Variants in CHD1L observed in about 807,000 individuals in gnomAD.
CHD1L encodes chromodomain helicase DNA binding protein 1 like.
Under a neutral mutation model 115.9 loss-of-function variants are expected in CHD1L, and 118 were observed. The observed-to-expected ratio is 1.02, with a 90% CI of 0.88 to 1.19. The LOEUF is 1.19. Ranked by LOEUF, CHD1L falls within the 50% of genes most tolerant of loss-of-function variation. The pLI is 0.00. For synonymous variants in CHD1L, 411 were observed against 387.1 expected (o/e 1.06, Z -0.72); for missense variants, 1,179 against 1,065.3 (o/e 1.11, Z -1.49).
chr1:147,211,466 T>A, the CHD1L span: 8 of 152,328 alleles, frequency 5.3e-5, no homozygotes, highest in Middle Eastern at 3.4e-3. Context: ...TAGATGAGGA[T>A]AGCAATGAGA....
the CHD1L span, among the ~76,000 whole-genome samples, chr1:147,217,315 A>C: frequency 6.6e-6 from 1 of 152,214 alleles, no homozygotes; most frequent in East Asian, 1.9e-4. Flanking sequence ...GATCACATAA[A>C]GTAATGCAAT....
upstream of CHD1L, chr1:147,242,562 C>T (rs1270092156): frequency 5.7e-6 from 5 of 882,526 alleles, no homozygotes; most frequent in Non-Finnish European, 7.4e-6. Flanking sequence ...CAGCTCCGCT[C>T]CGGATATCTT....
intron 6 of CHD1L, chr1:147,260,184 A>T (rs1671460892): frequency 3.4e-6 from 1 of 291,908 alleles, no homozygotes. Context: ...TCCATAGTTT[A>T]CATTCGGGTT....
At chr1:147,199,803 G>T in the CHD1L span, among the ~76,000 whole-genome samples, 1 of 152,126 alleles carries the variant, frequency 6.6e-6, no homozygotes, top group African/African-American at 2.4e-5. Flanking sequence ...ATTTAGAAAG[G>T]TTGTTGAACT....
At chr1:147,242,370 G>A (rs782656884), upstream of CHD1L, among the ~76,000 whole-genome samples, 2 of 152,190 alleles carry the variant, frequency 1.3e-5, no homozygotes, top group Non-Finnish European at 2.9e-5. Flanking sequence ...CATGATAGTC[G>A]ATGTTGATTA....
At chr1:147,255,644 G>A (rs1669862155) in intron 3 of CHD1L, among the ~76,000 whole-genome samples, 169 bp from the exon 4 acceptor site, 1 of 152,158 alleles carries the variant, frequency 6.6e-6, no homozygotes, top group Non-Finnish European at 1.5e-5. Flanking sequence ...AACTCGCTCT[G>A]AGGTTCAACC....
At chr1:147,253,653 T>A (rs1212204078) in intron 2 of CHD1L, among the ~76,000 whole-genome samples, 2 of 152,178 alleles carry the variant, frequency 1.3e-5, no homozygotes, top group Non-Finnish European at 2.9e-5. Flanking sequence ...CATGCCACCA[T>A]GCACAGCTTA....
the CHD1L span, among the ~76,000 whole-genome samples, chr1:147,173,944 A>G: frequency 1.2e-4 from 18 of 152,224 alleles, no homozygotes; most frequent in African/African-American, 3.4e-4. Context: ...ACTGTAATCC[A>G]TTTCTAACCA....
At chr1:147,295,335 C>G in intron 22 of CHD1L, 96 bp from the exon 23 acceptor site, 2 of 811,468 alleles carry the variant, frequency 2.5e-6, no homozygotes, top group South Asian at 2.9e-5. Flanking sequence ...CATACTACTT[C>G]TAGAACAGTT....
chr1:147,271,714 C>G (rs1408888883), intron 11 of CHD1L, among the ~76,000 whole-genome samples: 2 of 152,184 alleles, frequency 1.3e-5, no homozygotes, highest in Non-Finnish European at 2.9e-5. Flanking sequence ...CTGTAGCTCC[C>G]CTTCCCCACA....
chr1:147,268,843 C>A lies in CHD1L; in HGVS notation c.1050C>A (p.His350Gln), dbSNP rs17356233. The change falls in exon 10 of 23, where the codon CAC becomes CAA. Residue 350 changes from histidine to glutamine, a missense_variant. His to Gln is a conservative substitution (Grantham distance 24, BLOSUM62 0). Transcript: ENST00000369258. ...TGACTGAGGCTAGTGGGAAGCTTCA[C>A]CTGCTGGATAAGCTACTAGCATTCC... ...DHLTEASGKL[H>Q]LLDKLLAFLY... The A allele has an allele frequency of 1.2e-6, 2 of 1,613,386 alleles. No homozygotes were observed. Among genetic ancestry groups the A allele is most frequent in the Non-Finnish European group, 1.7e-6 (2 of 1,179,546 alleles).
At chr1:147,227,980 T>C in the CHD1L span, among the ~76,000 whole-genome samples, 1 of 150,526 alleles carries the variant, frequency 6.6e-6, no homozygotes, top group Admixed American at 6.6e-5. Flanking sequence ...TGGTGCGATC[T>C]TGGCTCACTG....
chr1:147,240,443 C>A (rs968233506), upstream of CHD1L, among the ~76,000 whole-genome samples: 5 of 152,218 alleles, frequency 3.3e-5, no homozygotes, highest in African/African-American at 4.8e-5. Flanking sequence ...CAAGGTTTCT[C>A]CCCATGTGAT....
chr1:147,258,480 TATCTC>T (rs1401301942), intron 5 of CHD1L, among the ~76,000 whole-genome samples: 2 of 152,200 alleles, frequency 1.3e-5, no homozygotes, highest in African/African-American at 2.4e-5. Flanking sequence ...TTCCATACCT[TATCTC>T]ATGACCACTG....
intron 1 of CHD1L, among the ~76,000 whole-genome samples, chr1:147,243,489 C>T (rs1274010948): frequency 6.6e-6 from 1 of 152,118 alleles, no homozygotes; most frequent in Admixed American, 6.5e-5. Context: ...GACACTAGCC[C>T]TTACGGAGAG....
At chr1:147,270,728 C>T (rs1207759637) in intron 10 of CHD1L, among the ~76,000 whole-genome samples, 1 of 152,170 alleles carries the variant, frequency 6.6e-6, no homozygotes, top group Non-Finnish European at 1.5e-5. Context: ...AGGATGACTG[C>T]TCTGAGGGAT....
chr1:147,251,733 G>T (rs587665988), intron 1 of CHD1L, among the ~76,000 whole-genome samples: 1 of 152,060 alleles, frequency 6.6e-6, no homozygotes, highest in South Asian at 2.1e-4. Context: ...TTTTCACCAT[G>T]TTGGCCAGGC....
chr1:147,176,209 C>T, the CHD1L span: 1 of 152,164 alleles, frequency 6.6e-6, no homozygotes, highest in South Asian at 2.1e-4. Flanking sequence ...AAACAAATAC[C>T]ATTGATTTTA....
At chr1:147,281,279 AC>A (rs1411881264) in intron 15 of CHD1L, among the ~76,000 whole-genome samples, 3 of 152,100 alleles carry the variant, frequency 2.0e-5, no homozygotes, top group Admixed American at 6.6e-5. Flanking sequence ...TTTGTGGGTA[AC>A]TTTTATCTGT....
Sources: allele counts gnomAD v4.1 joint callset (sites outside exome capture counted in the v4.1 genomes callset), GRCh38; gene constraint gnomAD v4.1.1; transcripts MANE v1.5; gene names NCBI Gene and HGNC (gene_info 2026-07-23, HGNC 2026-07-21).